Variants in HS2ST1 observed in about 807,000 individuals in gnomAD.
HS2ST1 encodes the protein heparan sulfate 2-O-sulfotransferase 1.
In HS2ST1, 18 loss-of-function variants were observed where a neutral mutation model predicts 42.9. The observed-to-expected ratio is 0.42, with a 90% CI of 0.29 to 0.62. HS2ST1 has a LOEUF of 0.62. Among genes scored for constraint, HS2ST1 ranks in the 20% least tolerant of loss-of-function variants. The pLI is 0.21. For synonymous variants in HS2ST1, 146 were observed against 152.9 expected (o/e 0.95, Z 0.33); for missense variants, 334 against 433.8 (o/e 0.77, Z 2.04).
intron 3 of HS2ST1, among the ~76,000 whole-genome samples, chr1:87,084,836 G>GTCACTCACTCAC (rs66857719): frequency 7.7e-5 from 11 of 143,054 alleles, no homozygotes; most frequent in African/African-American, 2.9e-4. Context: ...CTCCCTCCCT[G>GTCACTCACTCAC]TCACTCACTC....
intron 1 of HS2ST1, among the ~76,000 whole-genome samples, chr1:86,940,559 A>G (rs974612135): frequency 6.6e-6 from 1 of 152,226 alleles, no homozygotes; most frequent in African/African-American, 2.4e-5. Flanking sequence ...AGTTAGATTT[A>G]AACTGATACT....
At chr1:86,982,798 G>T (rs1205178654) in intron 1 of HS2ST1, among the ~76,000 whole-genome samples, 5 of 152,126 alleles carry the variant, frequency 3.3e-5, no homozygotes, top group Non-Finnish European at 7.3e-5. Flanking sequence ...ACAGGCTTGA[G>T]CCACTGCGCC....
chr1:87,060,878 T>C (rs1465319220), intron 1 of HS2ST1, among the ~76,000 whole-genome samples: 1 of 152,156 alleles, frequency 6.6e-6, no homozygotes, highest in Non-Finnish European at 1.5e-5. Flanking sequence ...GTTTTTTGGA[T>C]TGATGGGGTA....
rs543829171 is a variant in HS2ST1, at chr1:86,917,622, G to A, written c.124+2462G>A. 4.6e-5 allele frequency among the ~76,000 whole-genome samples: 7 copies of A among 152,302 alleles called. No homozygotes were observed. In the South Asian group the frequency reaches 1.5e-3, roughly 32 times the overall value. The stretch of plus-strand genomic sequence containing the variant: ...CCCAAGACCACATCGCATTTAAGTG[G>A]CAGAGCCAGGATTGCAACCCAGGTA... On this transcript the variant is annotated intron_variant, in intron 1 of 6. Coordinates refer to ENST00000370550, the MANE Select transcript of HS2ST1 (RefSeq NM_012262.4).
intron 1 of HS2ST1, among the ~76,000 whole-genome samples, chr1:87,027,942 G>A (rs1460627245): frequency 2.6e-5 from 4 of 152,140 alleles, no homozygotes; most frequent in Non-Finnish European, 2.9e-5. Flanking sequence ...TGCCCGCCTC[G>A]GCCTCCCGAA....
At chr1:86,970,010 A>G (rs1648182015) in intron 1 of HS2ST1, among the ~76,000 whole-genome samples, 1 of 151,982 alleles carries the variant, frequency 6.6e-6, no homozygotes, top group South Asian at 2.1e-4. Flanking sequence ...CTGTAATCCC[A>G]GCTACTCGGG....
chr1:86,940,229 C>G (rs1364006741), intron 1 of HS2ST1, among the ~76,000 whole-genome samples: 4 of 152,016 alleles, frequency 2.6e-5, no homozygotes, highest in Non-Finnish European at 5.9e-5. Flanking sequence ...AAAAAATTAG[C>G]CAGGCATGGT....
At chr1:87,056,106 A>G (rs757591861) in intron 1 of HS2ST1, among the ~76,000 whole-genome samples, 2 of 152,178 alleles carry the variant, frequency 1.3e-5, no homozygotes, top group Non-Finnish European at 2.9e-5. Flanking sequence ...CATTTGGATC[A>G]TGAGGAATCT....
chr1:87,055,870 AC>A (rs1650956249), intron 1 of HS2ST1, among the ~76,000 whole-genome samples: 1 of 152,178 alleles, frequency 6.6e-6, no homozygotes, highest in Non-Finnish European at 1.5e-5. Flanking sequence ...GAAAGCAATA[AC>A]TTTATTAAAT....
At chr1:86,963,419 TA>T in intron 1 of HS2ST1, among the ~76,000 whole-genome samples, 1 of 152,146 alleles carries the variant, frequency 6.6e-6, no homozygotes, top group African/African-American at 2.4e-5. Context: ...GCACTGCCCT[TA>T]ATCCATTTAA....
intron 1 of HS2ST1, among the ~76,000 whole-genome samples, chr1:87,005,998 A>T (rs866415687): frequency 6.6e-6 from 1 of 152,148 alleles, no homozygotes; most frequent in Non-Finnish European, 1.5e-5. Context: ...ATTTTTGTAT[A>T]AAATTAGGGT....
chr1:87,081,388 C>T (rs1220563604), intron 2 of HS2ST1, among the ~76,000 whole-genome samples: 1 of 152,120 alleles, frequency 6.6e-6, no homozygotes, highest in African/African-American at 2.4e-5. Flanking sequence ...TGGAATAAAA[C>T]TAGAAACCAA....
chr1:86,959,650 T>A (rs891007421), intron 1 of HS2ST1, among the ~76,000 whole-genome samples: 1 of 152,028 alleles, frequency 6.6e-6, no homozygotes, highest in Non-Finnish European at 1.5e-5. Flanking sequence ...AGAGCAAGAC[T>A]TTGTCTCCAA....
At chr1:86,948,749 A>G (rs1647414944) in intron 1 of HS2ST1, among the ~76,000 whole-genome samples, 1 of 152,222 alleles carries the variant, frequency 6.6e-6, no homozygotes, top group Non-Finnish European at 1.5e-5. Flanking sequence ...CTCTAACTTA[A>G]CGGTTTTAGG....
chr1:86,950,328 A>G (rs1441524512), intron 1 of HS2ST1, among the ~76,000 whole-genome samples: 2 of 152,170 alleles, frequency 1.3e-5, no homozygotes, highest in Non-Finnish European at 1.5e-5. Context: ...AGTTGGTATC[A>G]TGAAAGACTA....
chr1:87,096,948 T>C (rs77513375), intron 4 of HS2ST1, among the ~76,000 whole-genome samples: 3,752 of 152,312 alleles, frequency 0.025, 52 homozygotes, highest in South Asian at 0.058. Context: ...CAAATGATAA[T>C]AAAACCACTT....
chr1:87,085,209 T>C (rs1229687874), intron 3 of HS2ST1, among the ~76,000 whole-genome samples: 1 of 152,154 alleles, frequency 6.6e-6, no homozygotes, highest in Non-Finnish European at 1.5e-5. Flanking sequence ...AAAATTTTTT[T>C]TATTATTTAG....
At chr1:87,099,169 C>A (rs1418320052) in intron 5 of HS2ST1, among the ~76,000 whole-genome samples, 1 of 152,180 alleles carries the variant, frequency 6.6e-6, no homozygotes, top group African/African-American at 2.4e-5. Flanking sequence ...ACTGCAGCAG[C>A]AGAGTTGAGT....
intron 1 of HS2ST1, among the ~76,000 whole-genome samples, chr1:86,916,143 A>G (rs1455904396): frequency 6.6e-6 from 1 of 152,200 alleles, no homozygotes. Flanking sequence ...CATTTGGAAG[A>G]GCTCAGCATG....
Sources: allele counts gnomAD v4.1 joint callset (sites outside exome capture counted in the v4.1 genomes callset), GRCh38; gene constraint gnomAD v4.1.1; transcripts MANE v1.5; gene names NCBI Gene and HGNC (gene_info 2026-07-23, HGNC 2026-07-21).